Variants in ARMC2 observed in about 807,000 individuals in gnomAD.
ARMC2 encodes armadillo repeat containing 2.
ARMC2 carries 67 observed loss-of-function variants against 90.3 expected under a neutral mutation model. The ratio of observed to expected loss-of-function variants is 0.74; its 90% CI spans 0.61 to 0.91. The LOEUF (loss-of-function observed/expected upper bound fraction) is 0.91. Ranked by LOEUF, ARMC2 falls within the 40% of genes least tolerant of loss-of-function variation. The probability of loss-of-function intolerance (pLI) is 0.00; values close to 1 mark genes in which losing one functional copy is unlikely to be tolerated. For synonymous variants in ARMC2, 393 were observed against 393.0 expected (o/e 1.00, Z 0.00); for missense variants, 920 against 1,030.9 (o/e 0.89, Z 1.47).
At chr6:108,894,381 A>G (rs766633924) in intron 5 of ARMC2, 86 bp from the exon 6 acceptor site, 1 of 1,155,310 alleles carries the variant, frequency 8.7e-7, no homozygotes, top group Non-Finnish European at 1.2e-6. Flanking sequence ...ATAATAAATA[A>G]GAAACTGTAT....
At chr6:109,050,747 A>G in the ARMC2 span, among the ~76,000 whole-genome samples, 1 of 152,144 alleles carries the variant, frequency 6.6e-6, no homozygotes, top group Non-Finnish European at 1.5e-5. Flanking sequence ...CTTCCAAGAG[A>G]GCTATCTTCT....
intron 11 of ARMC2, among the ~76,000 whole-genome samples, chr6:108,932,640 T>G (rs541264991): frequency 4.0e-5 from 6 of 148,444 alleles, no homozygotes; most frequent in African/African-American, 1.5e-4. Flanking sequence ...ACCATTCTCC[T>G]GCCTCAGCCT....
At chr6:108,987,461 A>G in the ARMC2 span, 2 of 659,292 alleles carry the variant, frequency 3.0e-6, no homozygotes, top group Non-Finnish European at 5.2e-6. Context: ...TTTGTCTACC[A>G]TTGGTCCTGG....
chr6:108,960,163 CTTAT>C (rs1308140768), intron 13 of ARMC2, among the ~76,000 whole-genome samples: 3 of 152,160 alleles, frequency 2.0e-5, no homozygotes. Flanking sequence ...TTCCTGTGCC[CTTAT>C]TTCAGACAAT....
At chr6:109,006,931 T>G in the ARMC2 span, among the ~76,000 whole-genome samples, 8 of 152,330 alleles carry the variant, frequency 5.3e-5, no homozygotes, top group East Asian at 1.5e-3. Flanking sequence ...TGAACAAATT[T>G]TGGCCAATCC....
At chr6:108,878,349 G>A (rs982580352) in intron 5 of ARMC2, among the ~76,000 whole-genome samples, 1 of 152,160 alleles carries the variant, frequency 6.6e-6, no homozygotes, top group African/African-American at 2.4e-5. Flanking sequence ...GGAGCAGGGA[G>A]GGTTGAGAAG....
At chr6:109,026,840 A>C in the ARMC2 span, among the ~76,000 whole-genome samples, 1 of 152,108 alleles carries the variant, frequency 6.6e-6, no homozygotes, top group Non-Finnish European at 1.5e-5. Flanking sequence ...ACTGTTTTCC[A>C]AAGTAGTTGT....
chr6:108,997,099 G>A, the ARMC2 span, among the ~76,000 whole-genome samples: 1 of 151,956 alleles, frequency 6.6e-6, no homozygotes, highest in East Asian at 1.9e-4. Flanking sequence ...TACTGGATAT[G>A]TACCTAAAGA....
chr6:109,042,082 TA>T, the ARMC2 span, among the ~76,000 whole-genome samples: 1 of 151,992 alleles, frequency 6.6e-6, no homozygotes, highest in Non-Finnish European at 1.5e-5. Flanking sequence ...ATTTGCAAAC[TA>T]AACACCACAC....
chr6:109,041,619 C>A, the ARMC2 span, among the ~76,000 whole-genome samples: 1 of 151,984 alleles, frequency 6.6e-6, no homozygotes, highest in Non-Finnish European at 1.5e-5. Context: ...CATTATATAT[C>A]ATGATAAAAA....
At chr6:108,951,551 C>T (rs191709777) in intron 12 of ARMC2, among the ~76,000 whole-genome samples, 150 of 152,340 alleles carry the variant, frequency 9.8e-4, no homozygotes, top group Non-Finnish European at 2.0e-3. Flanking sequence ...GCAGCAGCCT[C>T]GCTTCTTCTC....
chr6:108,928,100 T>C lies in ARMC2; in HGVS notation c.1363T>C (p.Leu455=). 1.9e-6 allele frequency: 3 copies of C among 1,603,978 alleles called. No homozygotes were observed. The highest frequency in any genetic ancestry group is 2.5e-6 in the Non-Finnish European group (3 of 1,177,134). The change falls in exon 11 of 18, where the codon TTG becomes CTG. Residue 455 remains leucine (L), a synonymous_variant. Transcript: ENST00000392644. ...GCTTTTATCCTAGGTGACTGCTACA[T>C]TGAGAAACTTGGTTGATTCATCATT... ...GHLLVQVTAT[L]RNLVDSSLVR... is the part of the protein sequence containing the mutation.
At chr6:109,023,494 T>A in the ARMC2 span, among the ~76,000 whole-genome samples, 11 of 152,356 alleles carry the variant, frequency 7.2e-5, no homozygotes, top group East Asian at 1.7e-3. Flanking sequence ...TGGATGTGCC[T>A]ATGTTGTGTT....
At chr6:108,957,635 A>G (rs1371668835) in intron 13 of ARMC2, among the ~76,000 whole-genome samples, 9 of 150,708 alleles carry the variant, frequency 6.0e-5, no homozygotes, top group Admixed American at 4.0e-4. Flanking sequence ...TTTTCTTCCT[A>G]CCTCCCTCTA....
the ARMC2 span, among the ~76,000 whole-genome samples, chr6:108,983,156 CT>C: frequency 6.6e-6 from 1 of 152,144 alleles, no homozygotes; most frequent in Non-Finnish European, 1.5e-5. Flanking sequence ...TGTAGGAATT[CT>C]TCATATATTC....
chr6:108,987,454 G>T, the ARMC2 span: 1 of 616,506 alleles, frequency 1.6e-6, no homozygotes, highest in Non-Finnish European at 2.8e-6. Flanking sequence ...GAATTATTTT[G>T]TCTACCATTG....
chr6:108,953,391 A>G (rs765307980), intron 13 of ARMC2, 40 bp downstream of exon 13: 4 of 1,543,194 alleles, frequency 2.6e-6, no homozygotes, highest in South Asian at 2.4e-5. Context: ...GACACAACCA[A>G]CTTTCCCGCG....
chr6:108,943,139 T>C (rs1020626843), intron 12 of ARMC2, among the ~76,000 whole-genome samples: 1 of 152,194 alleles, frequency 6.6e-6, no homozygotes, highest in Non-Finnish European at 1.5e-5. Flanking sequence ...TTAAAGGGGA[T>C]AAAAATTAGA....
At chr6:108,880,835 C>CTCCT (rs913121501) in intron 5 of ARMC2, among the ~76,000 whole-genome samples, 9 of 147,066 alleles carry the variant, frequency 6.1e-5, no homozygotes, top group African/African-American at 1.0e-4. Flanking sequence ...TCTTTTCTCC[C>CTCCT]TCCTTCCTTC....
Sources: gnomAD v4.1 joint callset for allele counts (sites outside exome capture counted in the v4.1 genomes callset) on GRCh38, gnomAD v4.1.1 for gene constraint, MANE v1.5 for transcripts, NCBI Gene and HGNC (gene_info 2026-07-23, HGNC 2026-07-21) for gene names.